Variants in BAHCC1 observed in about 807,000 individuals in gnomAD.
BAHCC1 encodes BAH domain and coiled-coil containing 1, also known as BAH and coiled-coil domain-containing protein 1.
A neutral mutation model predicts 88.2 loss-of-function variants in BAHCC1; 43 were observed. The ratio of observed to expected loss-of-function variants is 0.49; its 90% CI spans 0.38 to 0.63. The LOEUF is 0.63. BAHCC1 is among the 20% of genes least tolerant of loss of function. BAHCC1 has a pLI of 0.00. For synonymous variants in BAHCC1, 1,510 were observed against 745.5 expected (o/e 2.03, Z -16.71); for missense variants, 3,023 against 1,654.8 (o/e 1.83, Z -14.34).
At position 81,435,277 on chromosome 17, in the gene BAHCC1, C is replaced by T. The variant is rs1175622971; in HGVS notation, c.359-3093C>T. ...GCCCACGCGTGGCCCCCTGGCTTTA[C>T]TAACCCATCAGGTGCCTGTGGCTTT... On this transcript the variant is annotated intron_variant, in intron 3 of 27. Transcript: ENST00000675386. This position sits in a 1 kb window ranked among gnomAD's most constrained non-coding sequence, Gnocchi z 4.4. Among the ~76,000 whole-genome samples the T allele has an allele frequency of 2.6e-5, 4 of 152,134 alleles. No homozygotes were observed. The highest frequency in any genetic ancestry group is 7.2e-5 in the African/African-American group (3 of 41,426).
rs2064313503 is a variant in BAHCC1 at position 81,434,768 on chromosome 17, C to G, written c.359-3602C>G. Among the ~76,000 whole-genome samples the G allele has an allele frequency of 6.6e-6, 1 of 151,966 alleles. No homozygotes were observed. Among genetic ancestry groups the G allele is most frequent in the African/African-American group, 2.4e-5 (1 of 41,354 alleles). ...CTGGGGGGTGGGTTGTGGCCACCTC[C>G]CCAGATCTGGCAAGAGGAGGAAGGC... On this transcript the variant is annotated intron_variant, in intron 3 of 27. Coordinates refer to ENST00000675386, the MANE Select transcript of BAHCC1 (RefSeq NM_001377448.1). The surrounding 1 kb of genome is among the most constrained non-coding windows in gnomAD (Gnocchi z 4.9).
chr17:81,426,890 C>G lies in BAHCC1; in HGVS notation c.269C>G (p.Pro90Arg), dbSNP rs2064206461. ...SSLGSAASTH[P>R]SGPSSSPPEQ... is the part of the protein sequence containing the mutation. ...CTGGGCTCGGCAGCCTCCACGCACC[C>G]CAGCGGCCCCAGCTCCTCCCCCCCT... is the stretch of plus-strand genomic sequence containing the variant. Residue 90 changes from proline to arginine, a missense_variant, in exon 3 of 28, where the codon CCC becomes CGC. Physicochemically the swap from Pro to Arg is moderately radical, Grantham distance 103. Coordinates refer to ENST00000675386, the MANE Select transcript of BAHCC1 (RefSeq NM_001377448.1). 7 of 398,916 alleles carry G rather than the reference C, an allele frequency of 1.8e-5. No homozygotes were observed. The highest frequency in any genetic ancestry group is 3.1e-5 in the Non-Finnish European group (7 of 226,452). 24.7% of individuals were successfully genotyped at this position (398,916 alleles called of 1,614,324 possible).
intron 2 of BAHCC1, among the ~76,000 whole-genome samples, chr17:81,400,326 G>C (rs1379589437): frequency 6.6e-6 from 1 of 152,182 alleles, no homozygotes; most frequent in Non-Finnish European, 1.5e-5. Flanking sequence ...CTGTTGTGGC[G>C]GGGGGAGGGG....
rs1447007822 is a variant in BAHCC1 at position 81,425,882 on chromosome 17, TGGTGATGTGGTTGGTG to T, written c.179-909_179-894del. Among the ~76,000 whole-genome samples the T allele has an allele frequency of 4.0e-3, 547 of 137,542 alleles. 5 individuals carry two copies. The highest frequency in any genetic ancestry group is 0.014 in the African/African-American group (524 of 36,282). The allele number at this position is 137,542 out of a possible 152,430, so 90.2% of individuals were successfully genotyped here. A position where few individuals can be genotyped will look rare whatever the true frequency, so the allele number is the denominator to read the frequency against. On this transcript the variant is annotated intron_variant, in intron 2 of 27. Coordinates refer to ENST00000675386, the MANE Select transcript of BAHCC1 (RefSeq NM_001377448.1). ...TGGTGGTGGTGGGTGATGTGGTTGG[TGGTGATGTGGTTGGTG>T]GGTGATGTCATTGGTGATGTGGTTG... is the stretch of plus-strand genomic sequence containing the variant.
chr17:81,454,143 G>A (rs942931896), intron 14 of BAHCC1, among the ~76,000 whole-genome samples: 1 of 152,240 alleles, frequency 6.6e-6, no homozygotes, highest in African/African-American at 2.4e-5. Context: ...GCCAAGAACA[G>A]GCAGAGAGAC....
chr17:81,417,844 G>T (rs1209398458), intron 2 of BAHCC1, among the ~76,000 whole-genome samples: 1 of 152,214 alleles, frequency 6.6e-6, no homozygotes, highest in African/African-American at 2.4e-5. Context: ...TCCTGGGCGG[G>T]CGCCCCTCCC....
rs556876196 is a variant in BAHCC1 at position 81,408,973 on chromosome 17, C to T, written c.178+9056C>T. ...CGCTCAGGTGACGCGCACAGGCACG[C>T]GTGTGTGGGTGTGAAGAGCTCTGCT... On this transcript the variant is annotated intron_variant, in intron 2 of 27. Transcript: ENST00000675386. Among the ~76,000 whole-genome samples the T allele has an allele frequency of 1.3e-4, 20 of 152,354 alleles. No homozygotes were observed. In the South Asian group the frequency reaches 2.9e-3, roughly 22 times the overall value.
In BAHCC1 at chr17:81,460,997, G is replaced by T; in HGVS notation, c.6334G>T (p.Ala2112Ser). 1.3e-6 allele frequency: 1 copy of T among 773,088 alleles called. No homozygotes were observed. Among genetic ancestry groups the T allele is most frequent in the Non-Finnish European group, 2.4e-6 (1 of 417,100 alleles). 47.9% of individuals were successfully genotyped at this position (773,088 alleles called of 1,614,324 possible). Residue 2112 changes from alanine (A) to serine (S), a missense_variant, in exon 26 of 28, where the codon GCC becomes TCC. Coordinates refer to ENST00000675386, the MANE Select transcript of BAHCC1 (RefSeq NM_001377448.1). Reference sequence around the variant, plus strand: ...GACCAAGCGGAAGGCGGTGGCAGCGGCCAGCAAGGGGCCGGGGGTGCTGCA... The same window carrying T: ...GACCAAGCGGAAGGCGGTGGCAGCGTCCAGCAAGGGGCCGGGGGTGCTGCA... The part of the protein sequence containing the change: ...AQTKRKAVAA[A>S]SKGPGVLQNL...
chr17:81,458,153 T>G lies in BAHCC1; in HGVS notation c.5042-12T>G, dbSNP rs782420491. 1.4e-6 allele frequency: 1 copy of G among 716,644 alleles called. No homozygotes were observed. The highest frequency in any genetic ancestry group is 2.4e-4 in the Middle Eastern group (1 of 4,192). 44.4% of individuals were successfully genotyped at this position (716,644 alleles called of 1,614,324 possible). A position where few individuals can be genotyped will look rare whatever the true frequency, so the allele number is the denominator to read the frequency against. ...TGGGGACCCCTGTGACGGCCTCCTC[T>G]CCTTCCCACAGGGGCCTGCCGCCTG... On this transcript the variant is annotated splice_polypyrimidine_tract_variant and intron_variant, in intron 17 of 27. Transcript: ENST00000675386.
intron 11 of BAHCC1, among the ~76,000 whole-genome samples, chr17:81,450,168 C>T (rs1191285658): frequency 2.0e-5 from 3 of 152,164 alleles, no homozygotes; most frequent in African/African-American, 7.2e-5. Flanking sequence ...CAGGGGATAC[C>T]AGCACCTCTA....
At chr17:81,456,677 C>A in intron 16 of BAHCC1, 92 bp downstream of exon 16, 1 of 631,844 alleles carries the variant, frequency 1.6e-6, no homozygotes, top group South Asian at 1.8e-5. Flanking sequence ...TGGCCGCCAC[C>A]AGGGCTGGGT....
At position 81,395,594 on chromosome 17, in the gene BAHCC1, T is replaced by G. The variant is rs2063738831; in HGVS notation, c.-248T>G. On this transcript the variant is annotated 5_prime_UTR_variant, in exon 1 of 28. The change creates a new upstream start codon in the 5' untranslated region. Coordinates refer to ENST00000675386, the MANE Select transcript of BAHCC1 (RefSeq NM_001377448.1). ...ACAAAACAAAGTCACATTTACTGAT[T>G]TAATTGTATTGCATTCAGTTGTATC... 1 of 152,256 alleles carries G rather than the reference T, an allele frequency of 6.6e-6. No homozygotes were observed. Among genetic ancestry groups the G allele is most frequent in the Non-Finnish European group, 1.5e-5 (1 of 68,044 alleles). 9.4% of individuals were successfully genotyped at this position (152,256 alleles called of 1,614,324 possible).
At position 81,462,049 on chromosome 17, in the gene BAHCC1, A is replaced by T. The variant is rs781944396; in HGVS notation, c.7383+3A>T. 1 of 767,208 alleles carries T rather than the reference A, an allele frequency of 1.3e-6. No individual in the cohort carries two copies. The allele number at this position is 767,208 out of a possible 1,614,324, so 47.5% of individuals were successfully genotyped here. On this transcript the variant is annotated splice_donor_region_variant and intron_variant, in intron 26 of 27. Coordinates refer to ENST00000675386, the MANE Select transcript of BAHCC1 (RefSeq NM_001377448.1). ...AGTGGTCGGGGAATCCCACACAGGT[A>T]GGTCCAGCGGGAGGCGGGAGGAGCT...
chr17:81,413,811 C>T (rs1278739737), intron 2 of BAHCC1, among the ~76,000 whole-genome samples: 1 of 152,212 alleles, frequency 6.6e-6, no homozygotes, highest in East Asian at 1.9e-4. Flanking sequence ...TTAAGGTGTC[C>T]TTCTCTGGAT....
chr17:81,442,252 C>G lies in BAHCC1; in HGVS notation c.903C>G (p.Ser301Arg), dbSNP rs1018326419. ...NGEMGRAALA[S>R]CAGGMLGRPG... ...AGATGGGCAGGGCTGCGCTAGCCAG[C>G]TGTGCAGGGGGCATGCTGGGGCGGC... Residue 301 changes from serine to arginine, a missense_variant, in exon 5 of 28, where the codon AGC becomes AGG. Physicochemically the swap from Ser to Arg is moderately radical, Grantham distance 110 (BLOSUM62 -1). Coordinates refer to ENST00000675386, the MANE Select transcript of BAHCC1 (RefSeq NM_001377448.1). 12 of 628,694 alleles carry G rather than the reference C, an allele frequency of 1.9e-5. No individual in the cohort carries two copies. Among genetic ancestry groups the G allele is most frequent in the Non-Finnish European group, 3.2e-5 (11 of 348,994 alleles). The allele number at this position is 628,694 out of a possible 1,614,324, so 38.9% of individuals were successfully genotyped here.
intron 14 of BAHCC1, among the ~76,000 whole-genome samples, chr17:81,454,699 C>T (rs1555656795): frequency 2.0e-5 from 3 of 152,226 alleles, no homozygotes; most frequent in Admixed American, 6.5e-5. Context: ...CCTGAACACC[C>T]GCCAAGGGCC....
intron 14 of BAHCC1, among the ~76,000 whole-genome samples, chr17:81,453,668 A>G (rs1408698316): frequency 6.6e-6 from 1 of 151,944 alleles, no homozygotes; most frequent in Non-Finnish European, 1.5e-5. Flanking sequence ...TTTGAGAACC[A>G]GCCAGCACTG....
intron 2 of BAHCC1, among the ~76,000 whole-genome samples, chr17:81,421,111 A>T (rs1368033643): frequency 1.3e-5 from 2 of 152,216 alleles, no homozygotes; most frequent in Admixed American, 6.5e-5. Context: ...CAGTGCCAGG[A>T]TGGGGCACTT....
At position 81,462,868 on chromosome 17, in the gene BAHCC1, C is replaced by T; in HGVS notation, c.7512C>T (p.Gly2504=). The stretch of plus-strand genomic sequence containing the variant: ...GGCGGCCCAACCTCCCCTACATCGG[C>T]CGCATCGAGAGCATGTGGGAGTCGT... ...SAGRPNLPYI[G]RIESMWESWG... is the part of the protein sequence containing the mutation. The change falls in exon 27 of 28, where the codon GGC becomes GGT. Residue 2504 remains glycine, a synonymous_variant. Transcript: ENST00000675386. 1.3e-6 allele frequency: 1 copy of T among 784,304 alleles called. No homozygotes were observed. Among genetic ancestry groups the T allele is most frequent in the South Asian group, 1.3e-5 (1 of 74,708 alleles). 48.6% of individuals were successfully genotyped at this position (784,304 alleles called of 1,614,324 possible). A position where few individuals can be genotyped will look rare whatever the true frequency, so the allele number is the denominator to read the frequency against.
Sources: allele counts gnomAD v4.1 joint callset (sites outside exome capture counted in the v4.1 genomes callset), GRCh38; gene constraint gnomAD v4.1.1; non-coding constraint Gnocchi (gnomAD v3.1); transcripts MANE v1.5; gene names NCBI Gene and HGNC (gene_info 2026-07-23, HGNC 2026-07-21).